The following LOXL2 variants were observed in gnomAD, a reference collection of about 807,000 sequenced individuals.
LOXL2 encodes lysyl oxidase like 2, also known as lysyl oxidase homolog 2.
Under a neutral mutation model 93.0 loss-of-function variants are expected in LOXL2, and 70 were observed. That is an observed-to-expected ratio of 0.75 (90% CI 0.62 to 0.92). The LOEUF (loss-of-function observed/expected upper bound fraction) is 0.92. Ranked by LOEUF, LOXL2 falls within the 40% of genes least tolerant of loss-of-function variation. LOXL2 has a pLI of 0.00. For missense variants in LOXL2, 973 were observed against 1,054.9 expected, an observed-to-expected ratio of 0.92 and a Z score of 1.08; for synonymous variants, 438 against 413.2, an observed-to-expected ratio of 1.06 and a Z score of -0.73.
chr8:23,349,856 A>AT (rs1204431081), intron 3 of LOXL2, among the ~76,000 whole-genome samples: 3 of 151,938 alleles, frequency 2.0e-5, no homozygotes, highest in Non-Finnish European at 4.4e-5. Context: ...ACCAGTAATG[A>AT]TTTTTTCAAA....
intron 5 of LOXL2, among the ~76,000 whole-genome samples, chr8:23,332,278 A>C (rs1411907123): frequency 3.3e-5 from 3 of 92,158 alleles, no homozygotes; most frequent in Non-Finnish European, 6.0e-5. Context: ...ACATACACAC[A>C]ACCCACACAG....
At chr8:23,379,864 A>T (rs1324935970) in intron 1 of LOXL2, among the ~76,000 whole-genome samples, 1 of 152,074 alleles carries the variant, frequency 6.6e-6, no homozygotes, top group Admixed American at 6.5e-5. Context: ...AGGAAAGGGA[A>T]TTCCCTGAAC....
At chr8:23,390,419 G>C (rs770664727) in intron 1 of LOXL2, among the ~76,000 whole-genome samples, 1 of 152,228 alleles carries the variant, frequency 6.6e-6, no homozygotes, top group Non-Finnish European at 1.5e-5. Context: ...GTCTACTTCA[G>C]TCTCGTCTAT....
chr8:23,307,953 G>GGAAAAAAAAAAAA (rs58347035), intron 10 of LOXL2, among the ~76,000 whole-genome samples: 1,026 of 83,500 alleles, frequency 0.012, 377 homozygotes, highest in African/African-American at 0.022. Context: ...GCTGCGATAT[G>GGAAAAAAAAAAAA]AAAAAAAAAA....
intron 2 of LOXL2, among the ~76,000 whole-genome samples, chr8:23,362,892 C>T (rs539746941): frequency 1.3e-5 from 2 of 152,252 alleles, no homozygotes; most frequent in African/African-American, 4.8e-5. Context: ...TCATTTTTCT[C>T]ACCGCTCCTT....
intron 9 of LOXL2, among the ~76,000 whole-genome samples, chr8:23,310,634 T>G (rs1197208072): frequency 2.0e-5 from 3 of 152,244 alleles, no homozygotes; most frequent in African/African-American, 7.2e-5. Context: ...ATTTTTTTCT[T>G]TAGAATATAT....
chr8:23,389,881 C>T (rs1804814787), intron 1 of LOXL2, among the ~76,000 whole-genome samples: 1 of 152,124 alleles, frequency 6.6e-6, no homozygotes, highest in Non-Finnish European at 1.5e-5. Flanking sequence ...CCCTGGAGCT[C>T]CCAGCAACAG....
At chr8:23,398,350 G>C (rs1264813838) in intron 1 of LOXL2, among the ~76,000 whole-genome samples, 2 of 152,188 alleles carry the variant, frequency 1.3e-5, no homozygotes, top group African/African-American at 4.8e-5. Context: ...CAGAGGGCCA[G>C]CTGTGTCTGC....
intron 6 of LOXL2, among the ~76,000 whole-genome samples, chr8:23,326,135 T>TA (rs1311407012): frequency 6.6e-6 from 1 of 152,196 alleles, no homozygotes; most frequent in Non-Finnish European, 1.5e-5. Flanking sequence ...GACTTGACAT[T>TA]AAATGTGGTA....
chr8:23,394,812 A>G (rs1338314268), intron 1 of LOXL2, among the ~76,000 whole-genome samples: 3 of 149,532 alleles, frequency 2.0e-5, no homozygotes, highest in Non-Finnish European at 3.0e-5. Context: ...TTTTACATGA[A>G]TGTTCATAGC....
At chr8:23,302,917 C>T (rs1803164803) in intron 11 of LOXL2, among the ~76,000 whole-genome samples, 1 of 152,128 alleles carries the variant, frequency 6.6e-6, no homozygotes, top group African/African-American at 2.4e-5. Flanking sequence ...GGTAGGGACA[C>T]TTGGCATTGG....
Position 23,302,063 on chromosome 8 carries a change from G to A in LOXL2, c.2097C>T (p.Asp699=), listed in dbSNP as rs1803141709. 1.2e-6 allele frequency: 2 copies of A among 1,614,182 alleles called. No homozygotes were observed. The highest frequency in any genetic ancestry group is 1.7e-6 in the Non-Finnish European group (2 of 1,180,006). The change falls in exon 12 of 14, where the codon GAC becomes GAT. Residue 699 remains aspartate, a synonymous_variant. Coordinates refer to ENST00000389131, the MANE Select transcript of LOXL2 (RefSeq NM_002318.3). ...AGTCTCCAGGGGGCACGTCAGTGAT[G>A]TCAACCCACTGGCAGTCGATGTCAT... ...YRHDIDCQWV[D]ITDVPPGDYL... is the part of the protein sequence containing the mutation.
chr8:23,395,555 G>C (rs1014978314), intron 1 of LOXL2, among the ~76,000 whole-genome samples: 8 of 152,078 alleles, frequency 5.3e-5, no homozygotes, highest in African/African-American at 1.9e-4. Flanking sequence ...ATTTTAATGG[G>C]TGAATTGGAT....
chr8:23,348,408 CAAA>C (rs970042222), intron 3 of LOXL2, among the ~76,000 whole-genome samples: 1 of 145,804 alleles, frequency 6.9e-6, no homozygotes, highest in African/African-American at 2.5e-5. Context: ...AGTATAATAA[CAAA>C]AAAAAAAATT....
intron 1 of LOXL2, among the ~76,000 whole-genome samples, chr8:23,403,694 A>AGCGCCTCGCTCCCCGGGC (rs1264230179): frequency 6.6e-6 from 1 of 151,278 alleles, no homozygotes; most frequent in African/African-American, 2.4e-5. Flanking sequence ...CCAGGGACCC[A>AGCGCCTCGCTCCCCGGGC]GCGCCTCGCT....
chr8:23,371,299 C>A (rs1804488900), intron 1 of LOXL2, among the ~76,000 whole-genome samples: 1 of 152,134 alleles, frequency 6.6e-6, no homozygotes, highest in African/African-American at 2.4e-5. Flanking sequence ...ACAGGGAATT[C>A]TTCAGGCAAA....
intron 1 of LOXL2, among the ~76,000 whole-genome samples, chr8:23,381,059 A>G (rs1478267396): frequency 6.6e-6 from 1 of 151,424 alleles, no homozygotes; most frequent in Non-Finnish European, 1.5e-5. Flanking sequence ...GGGGGCGGGT[A>G]ACCATGATCA....
At chr8:23,394,758 C>G (rs1184271547) in intron 1 of LOXL2, among the ~76,000 whole-genome samples, 1 of 134,548 alleles carries the variant, frequency 7.4e-6, no homozygotes, top group South Asian at 2.7e-4. Flanking sequence ...AAGTATATAC[C>G]CCCCCAAAAT....
At position 23,359,956 on chromosome 8, in the gene LOXL2, T is replaced by G. The variant is rs575439829; in HGVS notation, c.531+134A>C. The G allele has an allele frequency of 9.0e-6, 7 of 774,346 alleles. No individual in the cohort carries two copies. The East Asian group carries it at 1.8e-4, about 20-fold the overall frequency. 48.0% of individuals were successfully genotyped at this position (774,346 alleles called of 1,614,324 possible). ...CAGAAATCCTTCCCTAAACTGCCCT[T>G]GTATCTAATCCCATTGGGTGAGGTA... On this transcript the variant is annotated intron_variant, in intron 3 of 13. Coordinates refer to ENST00000389131, the MANE Select transcript of LOXL2 (RefSeq NM_002318.3).
Sources: gnomAD v4.1 joint callset for allele counts (sites outside exome capture counted in the v4.1 genomes callset) on GRCh38, gnomAD v4.1.1 for gene constraint, MANE v1.5 for transcripts, NCBI Gene and HGNC (gene_info 2026-07-23, HGNC 2026-07-21) for gene names.